The following GRK5 variants were observed in gnomAD, a reference collection of about 807,000 sequenced individuals.
GRK5 encodes the protein g protein-coupled receptor kinase GRK5.
In GRK5, 40 loss-of-function variants were observed where a neutral mutation model predicts 78.4. That is an observed-to-expected ratio of 0.51 (90% CI 0.40 to 0.66). GRK5 has a LOEUF of 0.66. Among genes scored for constraint, GRK5 ranks in the 30% least tolerant of loss-of-function variants. The pLI is 0.00. For missense variants in GRK5, 598 were observed against 759.9 expected (o/e 0.79, Z 2.50); for synonymous variants, 289 against 296.8 (o/e 0.97, Z 0.27).
At chr10:119,331,907 C>G (rs1850786363) in intron 2 of GRK5, among the ~76,000 whole-genome samples, 1 of 152,162 alleles carries the variant, frequency 6.6e-6, no homozygotes, top group South Asian at 2.1e-4. Flanking sequence ...AAGCACTTTG[C>G]CCTAAGGTGA....
At chr10:119,283,726 T>C (rs1449033215) in intron 1 of GRK5, among the ~76,000 whole-genome samples, 1 of 152,224 alleles carries the variant, frequency 6.6e-6, no homozygotes, top group Non-Finnish European at 1.5e-5. Context: ...ACCCTGCAGA[T>C]GGGACCATGA....
rs973021107 is a variant in GRK5, at chr10:119,406,538, T to G, written c.339+9766T>G. On this transcript the variant is annotated intron_variant, in intron 4 of 15. Transcript: ENST00000392870. ...CCCAGACACTGGCCCTGGACCCGGC[T>G]CTTCATCTCTACTGAGATTGCCCGG... is the stretch of plus-strand genomic sequence containing the variant. 9.9e-6 allele frequency: 9 copies of G among 910,932 alleles called. 1 individual carries two copies. The highest frequency in any genetic ancestry group is 1.2e-5 in the Non-Finnish European group (9 of 761,750). 56.4% of individuals were successfully genotyped at this position (910,932 alleles called of 1,614,324 possible).
chr10:119,229,931 G>C (rs776063297), intron 1 of GRK5, among the ~76,000 whole-genome samples: 1 of 152,220 alleles, frequency 6.6e-6, no homozygotes, highest in Non-Finnish European at 1.5e-5. Context: ...ATTCAGGTAG[G>C]TGTTGGAGCT....
Position 119,253,966 on chromosome 10 carries a change from G to GA in GRK5, c.52+46000dup, listed in dbSNP as rs1274396569. Among the ~76,000 whole-genome samples, 5 of 152,168 alleles carry GA rather than the reference G, an allele frequency of 3.3e-5. No individual in the cohort carries two copies. Among genetic ancestry groups the GA allele is most frequent in the African/African-American group, 1.2e-4 (5 of 41,416 alleles). On this transcript the variant is annotated intron_variant, in intron 1 of 15. Coordinates refer to ENST00000392870, the MANE Select transcript of GRK5 (RefSeq NM_005308.3). This position sits in a 1 kb window ranked among gnomAD's most constrained non-coding sequence, Gnocchi z 5.7. ...TTTGAGATTCCCCAGGGGAAAAGGA[G>GA]AAAGTACAGAAAGCCGTGACACCTG... is the stretch of plus-strand genomic sequence containing the variant.
At position 119,396,721 on chromosome 10, in the gene GRK5, A is replaced by G; in HGVS notation, c.288A>G (p.Glu96=). The G allele has an allele frequency of 6.2e-7, 1 of 1,613,680 alleles. No homozygotes were observed. Among genetic ancestry groups the G allele is most frequent in the Non-Finnish European group, 8.5e-7 (1 of 1,179,544 alleles). The change falls in exon 4 of 16, where the codon GAA becomes GAG. Residue 96 remains glutamate, a synonymous_variant. Transcript: ENST00000392870. The part of the protein sequence containing the change: ...SVAEYEVTPD[E]KLGEKGKEIM... Reference sequence around the variant, plus strand: ...CAGAATATGAAGTTACTCCAGATGAAAAACTGGGAGAGAAAGGGAAGGAAA... The same window carrying G: ...CAGAATATGAAGTTACTCCAGATGAGAAACTGGGAGAGAAAGGGAAGGAAA...
At chr10:119,312,345 C>T (rs962044509) in intron 1 of GRK5, among the ~76,000 whole-genome samples, 5 of 152,178 alleles carry the variant, frequency 3.3e-5, no homozygotes, top group Non-Finnish European at 7.3e-5. Flanking sequence ...GGAGGCCAAA[C>T]CTGTTAACCC....
intron 6 of GRK5, among the ~76,000 whole-genome samples, chr10:119,428,763 G>A (rs1852753290): frequency 6.6e-6 from 1 of 152,232 alleles, no homozygotes; most frequent in African/African-American, 2.4e-5. Context: ...AGCCTGTAGG[G>A]CAGGACCCTG....
chr10:119,330,977 C>T (rs1387148987), intron 2 of GRK5, among the ~76,000 whole-genome samples: 1 of 152,148 alleles, frequency 6.6e-6, no homozygotes, highest in South Asian at 2.1e-4. Flanking sequence ...TCACTCTAGG[C>T]CTCCTCCCCA....
intron 4 of GRK5, among the ~76,000 whole-genome samples, chr10:119,400,224 G>A (rs1404099571): frequency 2.6e-5 from 4 of 152,224 alleles, no homozygotes; most frequent in Admixed American, 1.3e-4. Context: ...AATGCCCCAC[G>A]ATGGGAGCAG....
intron 1 of GRK5, among the ~76,000 whole-genome samples, chr10:119,227,165 G>A (rs1848754071): frequency 1.3e-5 from 2 of 152,068 alleles, no homozygotes; most frequent in Admixed American, 1.3e-4. Context: ...CTGCCTCTCT[G>A]TATCTTTATC....
intron 2 of GRK5, among the ~76,000 whole-genome samples, chr10:119,328,800 G>A (rs370148990): frequency 5.3e-5 from 8 of 152,250 alleles, no homozygotes; most frequent in Admixed American, 3.9e-4. Flanking sequence ...GGTGCTTCCC[G>A]GCCCTGGCTA....
intron 1 of GRK5, among the ~76,000 whole-genome samples, chr10:119,246,749 T>C (rs1312928255): frequency 6.6e-6 from 1 of 152,208 alleles, no homozygotes; most frequent in Non-Finnish European, 1.5e-5. Flanking sequence ...GCATACCTAG[T>C]TGAGGTTTAA....
chr10:119,408,217 G>A (rs1461935481), intron 4 of GRK5, among the ~76,000 whole-genome samples: 1 of 149,046 alleles, frequency 6.7e-6, no homozygotes, highest in Non-Finnish European at 1.5e-5. Flanking sequence ...GCGCATGCCT[G>A]TAGTCCTTGC....
chr10:119,396,226 C>A (rs17095987), intron 3 of GRK5, among the ~76,000 whole-genome samples: 5,031 of 152,306 alleles, frequency 0.033, 192 homozygotes, highest in East Asian at 0.17. Context: ...AAATTGTCTA[C>A]GATCACACAG....
chr10:119,223,526 C>T (rs1848689667), intron 1 of GRK5, among the ~76,000 whole-genome samples: 1 of 151,910 alleles, frequency 6.6e-6, no homozygotes, highest in African/African-American at 2.4e-5. Context: ...TTTCTGAGTG[C>T]CTTCTGAGAT....
At chr10:119,349,764 T>C (rs910362741) in intron 2 of GRK5, among the ~76,000 whole-genome samples, 31 of 152,186 alleles carry the variant, frequency 2.0e-4, no homozygotes, top group African/African-American at 7.2e-4. Flanking sequence ...CAGGACTGAT[T>C]CAGTGGCCAC....
At chr10:119,444,768 G>A (rs373302389) in intron 12 of GRK5, among the ~76,000 whole-genome samples, 30 of 152,164 alleles carry the variant, frequency 2.0e-4, no homozygotes, top group Non-Finnish European at 3.7e-4. Context: ...AGCCTGGGAG[G>A]GGGGAGCCAC....
In GRK5 at chr10:119,440,648, T is replaced by C. The variant is rs566464716; in HGVS notation, c.967+880T>C. On this transcript the variant is annotated intron_variant, in intron 10 of 15. Coordinates refer to ENST00000392870, the MANE Select transcript of GRK5 (RefSeq NM_005308.3). Reference sequence around the variant, plus strand: ...TCAGTGCAACCTCTACCTCCCAAGTTCAAGTGATTCTGCTGCCTCAGCCTC... The same window carrying C: ...TCAGTGCAACCTCTACCTCCCAAGTCCAAGTGATTCTGCTGCCTCAGCCTC... Among the ~76,000 whole-genome samples, 21 of 151,944 alleles carry C rather than the reference T, an allele frequency of 1.4e-4. 1 individual carries two copies. The highest frequency in any genetic ancestry group is 2.8e-4 in the Non-Finnish European group (19 of 68,002).
rs374556427 is a variant in GRK5 at position 119,331,229 on chromosome 10, G to A, written c.148+4618G>A. The stretch of plus-strand genomic sequence containing the variant: ...CCCTGGGATGGTGTGAGGAACGTGC[G>A]TGCTGGCGTGTGGAAATGGATTCTT... On this transcript the variant is annotated intron_variant, in intron 2 of 15. Coordinates refer to ENST00000392870, the MANE Select transcript of GRK5 (RefSeq NM_005308.3). Among the ~76,000 whole-genome samples, 9 of 152,228 alleles carry A rather than the reference G, an allele frequency of 5.9e-5. 1 individual carries two copies. The highest frequency in any genetic ancestry group is 1.2e-4 in the African/African-American group (5 of 41,460).
Sources: gnomAD v4.1 joint callset for allele counts (sites outside exome capture counted in the v4.1 genomes callset) on GRCh38, gnomAD v4.1.1 for gene constraint, Gnocchi (gnomAD v3.1) non-coding constraint, MANE v1.5 for transcripts, NCBI Gene and HGNC (gene_info 2026-07-23, HGNC 2026-07-21) for gene names.